The following CAMK1D variants were observed in gnomAD, a reference collection of about 807,000 sequenced individuals.
The protein encoded by CAMK1D is calcium/calmodulin dependent protein kinase ID, also known as calcium/calmodulin-dependent protein kinase type 1D.
CAMK1D carries 9 observed loss-of-function variants against 47.7 expected under a neutral mutation model. The observed-to-expected ratio is 0.19, with a 90% confidence interval of 0.11 to 0.33. The LOEUF (loss-of-function observed/expected upper bound fraction) is 0.33, where lower values mean the gene tolerates loss of function less well. CAMK1D is among the 10% of genes least tolerant of loss of function. The pLI, the probability that CAMK1D is intolerant of heterozygous loss-of-function variation, is 1.00. For missense variants in CAMK1D, 291 were observed against 488.7 expected (o/e 0.60, Z 3.81); for synonymous variants, 184 against 184.9 (o/e 0.99, Z 0.04).
chr10:12,436,932 G>A (rs1415406309), intron 1 of CAMK1D, among the ~76,000 whole-genome samples: 3 of 152,098 alleles, frequency 2.0e-5, no homozygotes, highest in Admixed American at 6.5e-5. Context: ...AAAGGACTTC[G>A]AGCAAAATCA....
chr10:12,369,615 G>A (rs1207560439), intron 1 of CAMK1D, among the ~76,000 whole-genome samples: 3 of 152,102 alleles, frequency 2.0e-5, no homozygotes, highest in East Asian at 3.9e-4. Flanking sequence ...CAAAGAGGAC[G>A]CCGGCTTCTG....
In CAMK1D at chr10:12,504,376, G is replaced by A. The variant is rs192430821; in HGVS notation, c.93-48849G>A. Among the ~76,000 whole-genome samples, 429 of 152,192 alleles carry A rather than the reference G, an allele frequency of 2.8e-3. 2 individuals are homozygous for A. The highest frequency in any genetic ancestry group is 9.6e-3 in the African/African-American group (397 of 41,514). On this transcript the variant is annotated intron_variant, in intron 1 of 10. Coordinates refer to ENST00000619168, the MANE Select transcript of CAMK1D (RefSeq NM_153498.4). ...CATGGTGTAAGTCCCAGAGTCCAAAGACCCAAGAATCAGGAGCACCAGTGT... is the reference window on the plus strand; with the variant it reads ...CATGGTGTAAGTCCCAGAGTCCAAAAACCCAAGAATCAGGAGCACCAGTGT...
chr10:12,800,124 C>T (rs1056883472), intron 6 of CAMK1D, among the ~76,000 whole-genome samples: 1 of 152,190 alleles, frequency 6.6e-6, no homozygotes, highest in Non-Finnish European at 1.5e-5. Flanking sequence ...TTCCTAGTTT[C>T]CCTGGCCTGC....
At chr10:12,772,090 G>A (rs891520492) in intron 5 of CAMK1D, among the ~76,000 whole-genome samples, 7 of 151,836 alleles carry the variant, frequency 4.6e-5, no homozygotes, top group African/African-American at 9.7e-5. Context: ...CATAGTAGTC[G>A]ATCATCTCTT....
chr10:12,572,047 C>CG (rs1020883899), intron 2 of CAMK1D, among the ~76,000 whole-genome samples: 1 of 149,602 alleles, frequency 6.7e-6, no homozygotes, highest in Admixed American at 6.7e-5. Flanking sequence ...AAACCCCCCC[C>CG]CAAAAAAAAA....
chr10:12,454,339 CTT>C (rs1194081048), intron 1 of CAMK1D, among the ~76,000 whole-genome samples: 3 of 151,214 alleles, frequency 2.0e-5, no homozygotes, highest in African/African-American at 7.3e-5. Flanking sequence ...ATTTTTTGTA[CTT>C]TTAGTAGAGA....
intron 3 of CAMK1D, among the ~76,000 whole-genome samples, chr10:12,711,513 T>C (rs1833935618): frequency 6.6e-6 from 1 of 152,254 alleles, no homozygotes; most frequent in African/African-American, 2.4e-5. Flanking sequence ...TGTTCATTTA[T>C]ATTTTTCTTT....
chr10:12,416,121 G>A (rs1279317551), intron 1 of CAMK1D: 1 of 151,834 alleles, frequency 6.6e-6, no homozygotes, highest in Non-Finnish European at 1.5e-5. Context: ...AATAAAAGGT[G>A]GTATATAGAA....
chr10:12,351,841 A>G (rs1360842209), intron 1 of CAMK1D, among the ~76,000 whole-genome samples: 1 of 152,204 alleles, frequency 6.6e-6, no homozygotes, highest in African/African-American at 2.4e-5. Context: ...TTAGGGTCCT[A>G]AAGCATTGCC....
At chr10:12,525,196 T>G (rs1835579916) in intron 1 of CAMK1D, among the ~76,000 whole-genome samples, 1 of 152,224 alleles carries the variant, frequency 6.6e-6, no homozygotes, top group African/African-American at 2.4e-5. Flanking sequence ...TTGATTGTTG[T>G]GTGGGTATTC....
In CAMK1D at chr10:12,760,885, G is replaced by C. The variant is rs1343165859; in HGVS notation, c.300-63G>C. 10 of 1,554,144 alleles carry C rather than the reference G, an allele frequency of 6.4e-6. No homozygotes were observed. In the Admixed American group the frequency reaches 1.6e-4, roughly 25 times the overall value. On this transcript the variant is annotated intron_variant, in intron 3 of 10. Transcript: ENST00000619168. ...TAAAGTTTGGGATTTTTTTCACATT[G>C]GAAGCTTTCCCTTCACAATTCAACA...
At chr10:12,674,349 C>A (rs1171705387) in intron 3 of CAMK1D, among the ~76,000 whole-genome samples, 1 of 152,144 alleles carries the variant, frequency 6.6e-6, no homozygotes, top group Non-Finnish European at 1.5e-5. Context: ...TGAGGAGGAT[C>A]TAAAACACAA....
At chr10:12,395,385 T>G (rs113406456) in intron 1 of CAMK1D, among the ~76,000 whole-genome samples, 1 of 152,236 alleles carries the variant, frequency 6.6e-6, no homozygotes, top group Non-Finnish European at 1.5e-5. Context: ...TTGAAGTGCC[T>G]AGCTCCCATC....
At chr10:12,808,316 G>C (rs917472933) in intron 6 of CAMK1D, among the ~76,000 whole-genome samples, 1 of 152,214 alleles carries the variant, frequency 6.6e-6, no homozygotes, top group Non-Finnish European at 1.5e-5. Flanking sequence ...GCTCTTGAAG[G>C]CAGAAACTGG....
At chr10:12,554,550 TTTTTC>T in intron 2 of CAMK1D, among the ~76,000 whole-genome samples, 2 of 147,104 alleles carry the variant, frequency 1.4e-5, no homozygotes, top group African/African-American at 2.5e-5. Flanking sequence ...ATTTTTTCTT[TTTTTC>T]TCCAGGCAGG....
intron 1 of CAMK1D, among the ~76,000 whole-genome samples, chr10:12,377,476 A>G (rs12261350): frequency 0.39 from 58,919 of 152,084 alleles, 12,342 homozygotes; most frequent in Non-Finnish European, 0.47. Flanking sequence ...TTGAAGCTCA[A>G]TGTTCTTCCC....
At chr10:12,461,984 G>A (rs1444215319) in intron 1 of CAMK1D, among the ~76,000 whole-genome samples, 3 of 74,294 alleles carry the variant, frequency 4.0e-5, no homozygotes, top group Non-Finnish European at 8.2e-5. Context: ...CCCACCCAGC[G>A]CTTCTTACGT....
At chr10:12,481,114 G>C (rs75069439) in intron 1 of CAMK1D, among the ~76,000 whole-genome samples, 1 of 152,128 alleles carries the variant, frequency 6.6e-6, no homozygotes, top group African/African-American at 2.4e-5. Flanking sequence ...CTACTAAGAC[G>C]TGGGCATAAT....
chr10:12,496,603 A>G (rs7097560), intron 1 of CAMK1D, among the ~76,000 whole-genome samples: 76,381 of 152,084 alleles, frequency 0.5, 19,946 homozygotes, highest in East Asian at 0.8. Flanking sequence ...CAAACCAGAG[A>G]CCTTATGCCC....
Sources: gnomAD v4.1 joint callset for allele counts (sites outside exome capture counted in the v4.1 genomes callset) on GRCh38, gnomAD v4.1.1 for gene constraint, MANE v1.5 for transcripts, NCBI Gene and HGNC (gene_info 2026-07-23, HGNC 2026-07-21) for gene names.